The following TP53I3 variants were observed in gnomAD, a reference collection of about 807,000 sequenced individuals.
TP53I3 encodes the protein tumor protein p53 inducible protein 3, also known as quinone oxidoreductase PIG3.
A neutral mutation model predicts 27.7 loss-of-function variants in TP53I3; 32 were observed. The ratio of observed to expected loss-of-function variants is 1.16; its 90% CI spans 0.87 to 1.55. The LOEUF is 1.55. TP53I3 is among the 40% of genes most tolerant of loss of function. The pLI is 0.00. For missense variants in TP53I3, 372 were observed against 412.3 expected (o/e 0.90, Z 0.85); for synonymous variants, 138 against 167.8 (o/e 0.82, Z 1.37).
intron 4 of TP53I3, 74 bp downstream of exon 4, chr2:24,079,370 C>T (rs969986630): frequency 6.6e-7 from 1 of 1,511,116 alleles, no homozygotes; most frequent in African/African-American, 1.4e-5. Context: ...GTAGAGCTTC[C>T]TTTCTCGGGG....
intron 2 of TP53I3, among the ~76,000 whole-genome samples, chr2:24,081,884 ATGAAGTTTCACCG>A (rs1665021548): frequency 6.6e-6 from 1 of 151,890 alleles, no homozygotes; most frequent in African/African-American, 2.4e-5. Context: ...TTTAGTAGAG[ATGAAGTTTCACCG>A]TGTTAGCCAG....
intron 2 of TP53I3, among the ~76,000 whole-genome samples, chr2:24,081,356 A>G (rs1163426016): frequency 6.6e-6 from 1 of 152,106 alleles, no homozygotes; most frequent in Non-Finnish European, 1.5e-5. Flanking sequence ...TATAACACCA[A>G]AATGCACATC....
Position 24,083,050 on chromosome 2 carries a change from T to A in TP53I3, c.241A>T (p.Lys81Ter). 1.2e-6 allele frequency: 2 copies of A among 1,614,110 alleles called. No homozygotes were observed. The highest frequency in any genetic ancestry group is 1.7e-6 in the Non-Finnish European group (2 of 1,180,016). Residue 81 changes from lysine to a stop codon, truncating the protein, a stop_gained, in exon 2 of 5, where the codon AAG becomes TAG. Coordinates refer to ENST00000238721, the MANE Select transcript of TP53I3 (RefSeq NM_004881.5). LOFTEE classifies it high-confidence loss of function. Reference protein sequence around the residue: ...ELGPGCQGHWKIGDTAMALLP... With the variant: ...ELGPGCQGHW ...AGAGCCATGGCTGTGTCCCCGATCTTCCAGTGTCCCTGGCAGCCAGGCCCC... is the reference window on the plus strand; with the variant it reads ...AGAGCCATGGCTGTGTCCCCGATCTACCAGTGTCCCTGGCAGCCAGGCCCC...
In TP53I3 at chr2:24,080,788, T is replaced by C. The variant is rs1664964274; in HGVS notation, c.619+31A>G. On this transcript the variant is annotated intron_variant, in intron 3 of 4. Transcript: ENST00000238721. This position sits in a 1 kb window ranked among gnomAD's most constrained non-coding sequence, Gnocchi z 4.7. The stretch of plus-strand genomic sequence containing the variant: ...GGCTTTTATTTAATCATCTCTTAAA[T>C]TCCTGCTGAACTGTAGAAGCAGTTG... 1.2e-6 allele frequency: 2 copies of C among 1,612,658 alleles called. No individual in the cohort carries two copies. Among genetic ancestry groups the C allele is most frequent in the East Asian group, 4.5e-5 (2 of 44,864 alleles).
Position 24,078,491 on chromosome 2 carries a change from A to G in TP53I3, c.817-730T>C, listed in dbSNP as rs1019461943. ...AGACCCTGTCTCCATAAAAAAAAAAAAAAAAAAAAAAAGTACATGCTTTTC... is the reference window on the plus strand; with the variant it reads ...AGACCCTGTCTCCATAAAAAAAAAAGAAAAAAAAAAAAGTACATGCTTTTC... On this transcript the variant is annotated intron_variant, in intron 4 of 4. Transcript: ENST00000238721. Among the ~76,000 whole-genome samples the G allele has an allele frequency of 1.7e-4, 26 of 151,912 alleles. 1 individual carries two copies. Among genetic ancestry groups the G allele is most frequent in the African/African-American group, 6.0e-4 (25 of 41,470 alleles).
At position 24,084,123 on chromosome 2, in the gene TP53I3, A is replaced by G; in HGVS notation, c.138+66T>C. On this transcript the variant is annotated intron_variant, in intron 1 of 4. Transcript: ENST00000238721. This position sits in a 1 kb window ranked among gnomAD's most constrained non-coding sequence, Gnocchi z 8.4. ...ACGCCTTCACGTCTGGTCAATGTCC[A>G]CTGAGTGCTGTTGAGAGGGAGGCTC... 17 of 1,546,244 alleles carry G rather than the reference A, an allele frequency of 1.1e-5. No homozygotes were observed. Among genetic ancestry groups the G allele is most frequent in the Non-Finnish European group, 1.5e-5 (17 of 1,150,968 alleles).
chr2:24,080,215 G>C lies in TP53I3; in HGVS notation c.620-575C>G, dbSNP rs1351102839. On this transcript the variant is annotated intron_variant, in intron 3 of 4. Transcript: ENST00000238721. The surrounding 1 kb of genome is among the most constrained non-coding windows in gnomAD (Gnocchi z 4.7). The stretch of plus-strand genomic sequence containing the variant: ...CTACTAAAAATACAAAAATTAGCTG[G>C]GCGTGGTGGTGCGCCTGTGATCTCA... 6.6e-6 allele frequency among the ~76,000 whole-genome samples: 1 copy of C among 151,948 alleles called. No individual in the cohort carries two copies. Among genetic ancestry groups the C allele is most frequent in the East Asian group, 1.9e-4 (1 of 5,182 alleles).
chr2:24,078,621 A>G (rs1263775109), intron 4 of TP53I3, among the ~76,000 whole-genome samples: 1 of 152,186 alleles, frequency 6.6e-6, no homozygotes, highest in African/African-American at 2.4e-5. Context: ...TTGTACCTCC[A>G]AATGTGTAAC....
intron 2 of TP53I3, 118 bp from the exon 3 acceptor site, chr2:24,081,149 T>C (rs1257598868): frequency 2.6e-6 from 2 of 771,312 alleles, no homozygotes; most frequent in Non-Finnish European, 3.7e-6. Flanking sequence ...TCTTTTGCTT[T>C]TCCTTTTTTA....
chr2:24,082,997 G>T lies in TP53I3; in HGVS notation c.294C>A (p.Tyr98Ter). ...TGAGGAGCCCTTCGGGGACAGTGAC[G>T]TACTGAGCCTGGCCCCCACCGGGGA... ...ALLPGGGQAQ[Y>*]VTVPEGLLMP... The change falls in exon 2 of 5, where the codon TAC (tyrosine) becomes TAA (stop). Residue 98 changes from tyrosine to a stop codon, truncating the protein, a stop_gained. Transcript: ENST00000238721. LOFTEE classifies it high-confidence loss of function. 6.2e-7 allele frequency: 1 copy of T among 1,614,142 alleles called. No homozygotes were observed. The highest frequency in any genetic ancestry group is 2.2e-5 in the East Asian group (1 of 44,878).
Position 24,082,981 on chromosome 2 carries a change from C to G in TP53I3, c.310G>C (p.Gly104Arg). The G allele has an allele frequency of 6.2e-7, 1 of 1,614,178 alleles. No individual in the cohort carries two copies. Residue 104 changes from glycine (G) to arginine (R), a missense_variant, in exon 2 of 5, where the codon GGG becomes CGG. Transcript: ENST00000238721. ...GQAQYVTVPE[G>R]LLMPIPEGLT... ...CCCTCTGGGATAGGCATGAGGAGCCCTTCGGGGACAGTGACGTACTGAGCC... is the reference window on the plus strand; with the variant it reads ...CCCTCTGGGATAGGCATGAGGAGCCGTTCGGGGACAGTGACGTACTGAGCC...
intron 3 of TP53I3, among the ~76,000 whole-genome samples, chr2:24,079,854 C>A (rs1664922710): frequency 6.6e-6 from 1 of 152,174 alleles, no homozygotes; most frequent in African/African-American, 2.4e-5. Flanking sequence ...GGCCTAGCTA[C>A]AGCAAGAGGG....
rs775952421 is a variant in TP53I3, at chr2:24,077,971, T to C, written c.817-210A>G. Among the ~76,000 whole-genome samples the C allele has an allele frequency of 6.6e-6, 1 of 152,174 alleles. No individual in the cohort carries two copies. Among genetic ancestry groups the C allele is most frequent in the Admixed American group, 6.5e-5 (1 of 15,270 alleles). ...ATGTCCGATAGGTATATTGTTAATT[T>C]TGAGGTGAAAGCATTGGAGAAATTG... On this transcript the variant is annotated intron_variant, in intron 4 of 4. Transcript: ENST00000238721. This position sits in a 1 kb window ranked among gnomAD's most constrained non-coding sequence, Gnocchi z 5.5.
intron 4 of TP53I3, among the ~76,000 whole-genome samples, chr2:24,078,677 A>G (rs1038608445): frequency 6.6e-6 from 1 of 152,116 alleles, no homozygotes; most frequent in African/African-American, 2.4e-5. Flanking sequence ...GTAAAATGTT[A>G]GTGTCACTGA....
rs1388478486 is a variant in TP53I3 at position 24,084,319 on chromosome 2, G to A, written c.8C>T (p.Ala3Val). 6.2e-7 allele frequency: 1 copy of A among 1,613,670 alleles called. No homozygotes were observed. Among genetic ancestry groups the A allele is most frequent in the Non-Finnish European group, 8.5e-7 (1 of 1,179,974 alleles). ML[A>V]VHFDKPGGPE... is the part of the protein sequence containing the mutation. ...TCCTCCCGGCTTGTCAAAGTGCACGGCTAACATATTGTCTGAGGACACAGG... is the reference window on the plus strand; with the variant it reads ...TCCTCCCGGCTTGTCAAAGTGCACGACTAACATATTGTCTGAGGACACAGG... Residue 3 changes from alanine (A) to valine (V), a missense_variant, in exon 1 of 5, where the codon GCC (alanine) becomes GTC (valine). Coordinates refer to ENST00000238721, the MANE Select transcript of TP53I3 (RefSeq NM_004881.5). The surrounding 1 kb of genome is among the most constrained non-coding windows in gnomAD (Gnocchi z 8.4).
At position 24,082,922 on chromosome 2, in the gene TP53I3, C is replaced by G. The variant is rs1241164871; in HGVS notation, c.369G>C (p.Glu123Asp). The change falls in exon 2 of 5, where the codon GAG (glutamate) becomes GAC (aspartate). Residue 123 changes from glutamate to aspartate, a missense_variant. Coordinates refer to ENST00000238721, the MANE Select transcript of TP53I3 (RefSeq NM_004881.5). ...ACAGCTGGAAGGCGGTGAGCCAGGC[C>G]TCTGGGATGGCTGCAGCCTGGGTCA... Reference protein sequence around the residue: ...LTLTQAAAIPEAWLTAFQLLH... With the variant: ...LTLTQAAAIPDAWLTAFQLLH... 2.4e-5 allele frequency: 39 copies of G among 1,612,756 alleles called. No individual in the cohort carries two copies. Among genetic ancestry groups the G allele is most frequent in the Non-Finnish European group, 3.2e-5 (38 of 1,179,664 alleles).
At chr2:24,082,413 T>C (rs1468010611) in intron 2 of TP53I3, among the ~76,000 whole-genome samples, 1 of 152,224 alleles carries the variant, frequency 6.6e-6, no homozygotes, top group Non-Finnish European at 1.5e-5. Context: ...GCTTCTATCA[T>C]AGACAGGGCT....
intron 4 of TP53I3, chr2:24,079,095 C>T: frequency 5.3e-6 from 1 of 189,652 alleles, no homozygotes; most frequent in Non-Finnish European, 1.1e-5. Context: ...TATTTTTTTA[C>T]TCACCTAAGA....
At position 24,084,459 on chromosome 2, in the gene TP53I3, GCACC is replaced by G; in HGVS notation, c.-137_-134del. On this transcript the variant is annotated 5_prime_UTR_variant, in exon 1 of 5. Coordinates refer to ENST00000238721, the MANE Select transcript of TP53I3 (RefSeq NM_004881.5). This position sits in a 1 kb window ranked among gnomAD's most constrained non-coding sequence, Gnocchi z 8.4. ...CGCGGAGCAGCCCAGCCTCAGGCTG[GCACC>G]GCAGCGCCCCCTGCCGGCCAGCGCC... 2 of 1,161,482 alleles carry G rather than the reference GCACC, an allele frequency of 1.7e-6. No individual in the cohort carries two copies. The highest frequency in any genetic ancestry group is 2.3e-6 in the Non-Finnish European group (2 of 877,616). The allele number at this position is 1,161,482 out of a possible 1,614,324, so 71.9% of individuals were successfully genotyped here. A position where few individuals can be genotyped will look rare whatever the true frequency, so the allele number is the denominator to read the frequency against.
Sources: allele counts gnomAD v4.1 joint callset (sites outside exome capture counted in the v4.1 genomes callset), GRCh38; gene constraint gnomAD v4.1.1; non-coding constraint Gnocchi (gnomAD v3.1); transcripts MANE v1.5; gene names NCBI Gene and HGNC (gene_info 2026-07-23, HGNC 2026-07-21).